The following LTBP4 variants were observed in gnomAD, a reference collection of about 807,000 sequenced individuals.
LTBP4 encodes latent transforming growth factor beta binding protein 4, also known as latent-transforming growth factor beta-binding protein 4.
LTBP4 carries 93 observed loss-of-function variants against 180.2 expected under a neutral mutation model. The observed-to-expected ratio is 0.52, with a 90% CI of 0.44 to 0.61. The LOEUF (loss-of-function observed/expected upper bound fraction) is 0.61. LTBP4 is among the 20% of genes least tolerant of loss of function. The probability of loss-of-function intolerance (pLI) is 0.00; values close to 1 mark genes in which losing one functional copy is unlikely to be tolerated. For synonymous variants in LTBP4, 947 were observed against 934.5 expected, an observed-to-expected ratio of 1.01 and a Z score of -0.24; for missense variants, 2,116 against 2,256.5, an observed-to-expected ratio of 0.94 and a Z score of 1.26.
In LTBP4 at chr19:40,629,676, G is replaced by T. The variant is rs567854760; in HGVS notation, c.*126G>T. The T allele has an allele frequency of 4.8e-5, 49 of 1,026,432 alleles. No homozygotes were observed. The highest frequency in any genetic ancestry group is 6.2e-5 in the Non-Finnish European group (49 of 787,746). 63.6% of individuals were successfully genotyped at this position (1,026,432 alleles called of 1,614,324 possible). On this transcript the variant is annotated 3_prime_UTR_variant, in exon 30 of 30. Transcript: ENST00000396819. The surrounding 1 kb of genome is among the most constrained non-coding windows in gnomAD (Gnocchi z 4.5). ...GGACCTGGAGAAGGGACCTACGGAC[G>T]CCTGGAAGCTGCGACGCCCTGCACT... is the stretch of plus-strand genomic sequence containing the variant.
intron 15 of LTBP4, 31 bp downstream of exon 15, chr19:40,612,223 C>T: frequency 6.4e-7 from 1 of 1,563,568 alleles, no homozygotes; most frequent in Non-Finnish European, 8.7e-7. Flanking sequence ...TGACCTTGGG[C>T]CTGCATCATG....
At chr19:40,606,580 G>A (rs555209831) in intron 6 of LTBP4, 54 bp downstream of exon 6, 1 of 1,528,094 alleles carries the variant, frequency 6.5e-7, no homozygotes. Flanking sequence ...GCCCTCAGAA[G>A]TCCCAGAGCA....
rs536287464 is a variant in LTBP4, at chr19:40,614,231, C to A, written c.2681-84C>A. The A allele has an allele frequency of 5.2e-6, 8 of 1,532,054 alleles. No homozygotes were observed. In the South Asian group the frequency reaches 9.5e-5, roughly 18 times the overall value. The allele number at this position is 1,532,054 out of a possible 1,614,324, so 94.9% of individuals were successfully genotyped here. A position where few individuals can be genotyped will look rare whatever the true frequency, so the allele number is the denominator to read the frequency against. On this transcript the variant is annotated intron_variant, in intron 18 of 29. Coordinates refer to ENST00000396819, the MANE Select transcript of LTBP4 (RefSeq NM_001042545.2). ...CTCTCCTCTGCTTCCCCGGCCTCCC[C>A]CTTCTGACTCTCCTCTCCCCTCTTT...
rs2081607235 is a variant in LTBP4, at chr19:40,624,087, C to T, written c.3832+5C>T. The T allele has an allele frequency of 1.9e-6, 3 of 1,541,134 alleles. No individual in the cohort carries two copies. The highest frequency in any genetic ancestry group is 2.7e-5 in the African/African-American group (2 of 73,258). ...CCAACGAGAGCCAGAGCCTCGGTAA[C>T]CCCGCCCACGCCATCCAGGCCCTCC... is the stretch of plus-strand genomic sequence containing the variant. On this transcript the variant is annotated splice_donor_5th_base_variant and intron_variant, in intron 26 of 29. Transcript: ENST00000396819.
chr19:40,596,941 G>C (rs1421680541), upstream of LTBP4, among the ~76,000 whole-genome samples: 2 of 152,020 alleles, frequency 1.3e-5, no homozygotes, highest in Non-Finnish European at 2.9e-5. Context: ...TCTGTTCCAC[G>C]AGAAGGTTCA....
In LTBP4 at chr19:40,608,521, A is replaced by ACCCCGGCCCGAT. The variant is rs529188563; in HGVS notation, c.1355_1366dup (p.Asp452_Pro455dup). ...CCCATCGCCTGGAGCCCCGGCCTGAACCCCGGCCCGATCCCCGGCCCGGCC... is the reference window on the plus strand; with the variant it reads ...CCCATCGCCTGGAGCCCCGGCCTGAACCCCGGCCCGATCCCCGGCCCGATCCCCGGCCCGGCC... On this transcript the variant is annotated inframe_insertion, in exon 9 of 30. Transcript: ENST00000396819. The ACCCCGGCCCGAT allele has an allele frequency of 6.2e-7, 1 of 1,606,672 alleles. No homozygotes were observed. The highest frequency in any genetic ancestry group is 8.5e-7 in the Non-Finnish European group (1 of 1,176,920).
chr19:40,616,958 C>G lies in LTBP4; in HGVS notation c.2882C>G (p.Ser961Cys). 6.2e-7 allele frequency: 1 copy of G among 1,613,998 alleles called. No individual in the cohort carries two copies. The highest frequency in any genetic ancestry group is 1.1e-5 in the South Asian group (1 of 91,070). ...CAGCGTTGTGAGAACACCCCTGGCT[C>G]CTACCGCTGCACACCAGCCTGTGAC... is the stretch of plus-strand genomic sequence containing the variant. ...GAQRCENTPG[S>C]YRCTPACDPG... Residue 961 changes from serine to cysteine, a missense_variant, in exon 20 of 30, where the codon TCC becomes TGC. Physicochemically the swap from Ser to Cys is moderately radical, Grantham distance 112. This residue lies in a region of LTBP4 where 877 missense variants were observed against 873.6 expected (regional missense o/e 1.00). Coordinates refer to ENST00000396819, the MANE Select transcript of LTBP4 (RefSeq NM_001042545.2).
chr19:40,628,307 G>A (rs183722168), intron 29 of LTBP4, among the ~76,000 whole-genome samples: 202 of 152,292 alleles, frequency 1.3e-3, no homozygotes, highest in Admixed American at 1.7e-3. Context: ...TTGGGAGGCC[G>A]AGGCGGGCGG....
intron 22 of LTBP4, among the ~76,000 whole-genome samples, chr19:40,620,158 G>C (rs2081576089): frequency 6.6e-6 from 1 of 151,946 alleles, no homozygotes; most frequent in African/African-American, 2.4e-5. Context: ...AGAGTCAGGT[G>C]CCCGATCACA....
rs887090158 is a variant in LTBP4, at chr19:40,629,637, G to T, written c.*87G>T. 1.8e-5 allele frequency: 23 copies of T among 1,254,074 alleles called. No individual in the cohort carries two copies. The highest frequency in any genetic ancestry group is 4.2e-5 in the Admixed American group (1 of 23,584). The allele number at this position is 1,254,074 out of a possible 1,614,324, so 77.7% of individuals were successfully genotyped here. A position where few individuals can be genotyped will look rare whatever the true frequency, so the allele number is the denominator to read the frequency against. On this transcript the variant is annotated 3_prime_UTR_variant, in exon 30 of 30. Transcript: ENST00000396819. The surrounding 1 kb of genome is among the most constrained non-coding windows in gnomAD (Gnocchi z 4.5). ...GCAGCCCGCTTATGCGTATGTGCAC[G>T]GGGCCGCCCGCCTGGACCTGGAGAA...
chr19:40,609,899 G>C lies in LTBP4; in HGVS notation c.1684+28G>C, dbSNP rs775820994. 6.6e-7 allele frequency: 1 copy of C among 1,505,112 alleles called. No individual in the cohort carries two copies. Among genetic ancestry groups the C allele is most frequent in the Non-Finnish European group, 8.9e-7 (1 of 1,124,626 alleles). 93.2% of individuals were successfully genotyped at this position (1,505,112 alleles called of 1,614,324 possible). ...GAGAAATTTGCCCCACCCGGCTCCAGGCCCACCCCAGGGTCTCGCTCCTGC... is the reference window on the plus strand; with the variant it reads ...GAGAAATTTGCCCCACCCGGCTCCACGCCCACCCCAGGGTCTCGCTCCTGC... On this transcript the variant is annotated intron_variant, in intron 11 of 29. Coordinates refer to ENST00000396819, the MANE Select transcript of LTBP4 (RefSeq NM_001042545.2). This position sits in a 1 kb window ranked among gnomAD's most constrained non-coding sequence, Gnocchi z 4.9.
intron 22 of LTBP4, among the ~76,000 whole-genome samples, chr19:40,620,198 G>A (rs1268272027): frequency 6.6e-6 from 1 of 151,978 alleles, no homozygotes; most frequent in Non-Finnish European, 1.5e-5. Context: ...GAGCACTGCG[G>A]TACCGTGGAA....
At position 40,605,116 on chromosome 19, in the gene LTBP4, A is replaced by C. The variant is rs751071151; in HGVS notation, c.332A>C (p.Lys111Thr). ...CTCTGTCCCCCGGACTTCGCTGGCA[A>C]GTTCTGCCAGTTGCACTCCTCGGGC... is the stretch of plus-strand genomic sequence containing the variant. ...RCLCPPDFAG[K>T]FCQLHSSGAR... Residue 111 changes from lysine to threonine, a missense_variant, in exon 2 of 30, where the codon AAG becomes ACG. Physicochemically the swap from Lys to Thr is moderately conservative, Grantham distance 78. This residue lies in a region of LTBP4 where 469 missense variants were observed against 532.5 expected (regional missense o/e 0.88). Transcript: ENST00000396819. The surrounding 1 kb of genome is among the most constrained non-coding windows in gnomAD (Gnocchi z 5.5). 1.9e-6 allele frequency: 3 copies of C among 1,613,636 alleles called. No individual in the cohort carries two copies. The highest frequency in any genetic ancestry group is 2.5e-6 in the Non-Finnish European group (3 of 1,179,784).
chr19:40,616,638 T>C (rs1401051978), intron 19 of LTBP4, among the ~76,000 whole-genome samples: 2 of 151,952 alleles, frequency 1.3e-5, no homozygotes, highest in African/African-American at 4.8e-5. Flanking sequence ...GAAGCTGAGG[T>C]AGAATTGCTT....
Position 40,606,223 on chromosome 19 carries a change from C to T in LTBP4, c.794-10C>T. On this transcript the variant is annotated splice_polypyrimidine_tract_variant and intron_variant, in intron 4 of 29. Transcript: ENST00000396819. ...CCTGTCCCTGGCCCACCCCTCTCCT[C>T]TCGCCACAGGGAACTCCGAAAGAGT... 1 of 1,579,470 alleles carries T rather than the reference C, an allele frequency of 6.3e-7. No individual in the cohort carries two copies. Among genetic ancestry groups the T allele is most frequent in the East Asian group, 2.3e-5 (1 of 43,222 alleles).
Position 40,625,302 on chromosome 19 carries a change from A to ATT in LTBP4, c.3833-554_3833-553insTT, listed in dbSNP as rs1568414579. ...TATATATATATATATATATATATAT[A>ATT]TATATATATATATATTTTTTTTTTT... On this transcript the variant is annotated intron_variant, in intron 26 of 29. Transcript: ENST00000396819. 1.0e-3 allele frequency among the ~76,000 whole-genome samples: 12 copies of ATT among 12,024 alleles called. 2 individuals are homozygous for ATT. Among genetic ancestry groups the ATT allele is most frequent in the South Asian group, 3.7e-3 (1 of 268 alleles). The allele number at this position is 12,024 out of a possible 152,430, so 7.9% of individuals were successfully genotyped here.
rs753813332 is a variant in LTBP4, at chr19:40,623,922, C to T, written c.3686-14C>T. 10 of 1,613,658 alleles carry T rather than the reference C, an allele frequency of 6.2e-6. 1 individual carries two copies. The South Asian group carries it at 1.1e-4, about 18-fold the overall frequency. ...AGAGTTGAAGGGGATGCCTCTTAAT[C>T]ATCCTCTCCCTAGACAATGACGAGT... On this transcript the variant is annotated splice_polypyrimidine_tract_variant and intron_variant, in intron 25 of 29. Transcript: ENST00000396819.
chr19:40,623,114 G>A (rs1032439961), intron 24 of LTBP4, 93 bp downstream of exon 24: 5 of 905,312 alleles, frequency 5.5e-6, no homozygotes, highest in Non-Finnish European at 8.1e-6. Flanking sequence ...CACCCTTTCT[G>A]TTTCTCTGTA....
Position 40,613,987 on chromosome 19 carries a change from T to A in LTBP4, c.2629T>A (p.Cys877Ser), listed in dbSNP as rs2081528210. The A allele has an allele frequency of 1.2e-6, 2 of 1,613,404 alleles. No individual in the cohort carries two copies. The highest frequency in any genetic ancestry group is 1.7e-6 in the Non-Finnish European group (2 of 1,179,752). The change falls in exon 18 of 30, where the codon TGC (cysteine) becomes AGC (serine). Residue 877 changes from cysteine to serine, a missense_variant. Around this residue, in one of 5 missense-constraint regions of LTBP4, gnomAD observed 877 missense variants for 873.6 expected, o/e 1.00. Transcript: ENST00000396819. The surrounding 1 kb of genome is among the most constrained non-coding windows in gnomAD (Gnocchi z 5.0). ...TACCAACACCGACGGCTCCTTCGAG[T>A]GCATCTGTCCTCCGGGACACCGCGC... ...ICTNTDGSFE[C>S]ICPPGHRAGP...
Sources: gnomAD v4.1 joint callset for allele counts (sites outside exome capture counted in the v4.1 genomes callset) on GRCh38, gnomAD v4.1.1 for gene constraint, gnomAD v4.1.1 regional missense constraint, Gnocchi (gnomAD v3.1) non-coding constraint, MANE v1.5 for transcripts, NCBI Gene and HGNC (gene_info 2026-07-23, HGNC 2026-07-21) for gene names.